The following EPB41 variants were observed in gnomAD, a reference collection of about 807,000 sequenced individuals.
EPB41 encodes the protein erythrocyte membrane protein band 4.1.
EPB41 carries 65 observed loss-of-function variants against 108.0 expected under a neutral mutation model. The ratio of observed to expected loss-of-function variants is 0.60; its 90% CI spans 0.49 to 0.74. The LOEUF is 0.74. EPB41 is among the 30% of genes least tolerant of loss of function. The probability of loss-of-function intolerance (pLI) is 0.00; values close to 1 mark genes in which losing one functional copy is unlikely to be tolerated. For synonymous variants in EPB41, 336 were observed against 358.9 expected (o/e 0.94, Z 0.72); for missense variants, 875 against 1,037.0 (o/e 0.84, Z 2.15).
intron 1 of EPB41, among the ~76,000 whole-genome samples, chr1:28,915,118 C>T (rs1169801032): frequency 1.3e-5 from 2 of 152,088 alleles, no homozygotes; most frequent in African/African-American, 4.8e-5. Context: ...AAACCAAATG[C>T]GGAGAATCGC....
At chr1:29,032,541 T>C (rs576274439) in intron 8 of EPB41, among the ~76,000 whole-genome samples, 3 of 152,330 alleles carry the variant, frequency 2.0e-5, no homozygotes, top group South Asian at 2.1e-4. Context: ...TTTTGATTAC[T>C]TAGCTAAACA....
chr1:29,007,467 T>A (rs1342444512), intron 4 of EPB41, among the ~76,000 whole-genome samples: 2 of 152,228 alleles, frequency 1.3e-5, no homozygotes, highest in East Asian at 3.8e-4. Flanking sequence ...TCAAACAGTT[T>A]TCTGTAGTGG....
At chr1:29,062,067 A>C (rs746467547) in intron 15 of EPB41, among the ~76,000 whole-genome samples, 1 of 152,198 alleles carries the variant, frequency 6.6e-6, no homozygotes, top group Non-Finnish European at 1.5e-5. Context: ...AGTGCTTTAC[A>C]TATCTTTGTC....
In EPB41 at chr1:29,011,728, A is replaced by G. The variant is rs2096505042; in HGVS notation, c.787-137A>G. On this transcript the variant is annotated intron_variant, in intron 4 of 20. Transcript: ENST00000343067. ...GCTCAAAATCACTATGCTTTGTGAA[A>G]TTAATGCAAAGACTATCAAAGGAAA... 5.2e-6 allele frequency: 5 copies of G among 961,250 alleles called. No homozygotes were observed. In the South Asian group the frequency reaches 8.6e-5, roughly 16 times the overall value. 59.5% of individuals were successfully genotyped at this position (961,250 alleles called of 1,614,324 possible).
rs186959891 is a variant in EPB41 at position 28,892,041 on chromosome 1, C to A, written c.-8+4831C>A. ...CGAGGAGGCGGAGGTTGCAGTGAGCCAAGATCGTGCCACTGCACTCCAGCC... is the reference window on the plus strand; with the variant it reads ...CGAGGAGGCGGAGGTTGCAGTGAGCAAAGATCGTGCCACTGCACTCCAGCC... On this transcript the variant is annotated intron_variant, in intron 1 of 16. Transcript: ENST00000347529. Among the ~76,000 whole-genome samples the A allele has an allele frequency of 5.6e-3, 721 of 127,956 alleles. 8 individuals are homozygous for A. Among genetic ancestry groups the A allele is most frequent in the African/African-American group, 0.021 (693 of 33,498 alleles). The allele number at this position is 127,956 out of a possible 152,430, so 83.9% of individuals were successfully genotyped here.
chr1:29,028,933 T>C (rs538817653), intron 7 of EPB41, among the ~76,000 whole-genome samples: 1 of 151,790 alleles, frequency 6.6e-6, no homozygotes, highest in Non-Finnish European at 1.5e-5. Context: ...ACCCAGCTAC[T>C]CAGGAGTCTG....
chr1:29,061,585 T>TG (rs1646572434), intron 15 of EPB41, among the ~76,000 whole-genome samples: 4 of 138,238 alleles, frequency 2.9e-5, no homozygotes, highest in Admixed American at 7.4e-5. Context: ...TTTTTTTTTT[T>TG]TTTTTTTTTT....
intron 1 of EPB41, among the ~76,000 whole-genome samples, chr1:28,944,111 A>C (rs2094405887): frequency 6.6e-6 from 1 of 152,216 alleles, no homozygotes; most frequent in Non-Finnish European, 1.5e-5. Context: ...CAGACACAGG[A>C]AAACAAACTC....
At chr1:29,093,556 A>G (rs1048658882) in intron 16 of EPB41, among the ~76,000 whole-genome samples, 2 of 152,122 alleles carry the variant, frequency 1.3e-5, no homozygotes, top group African/African-American at 4.8e-5. Flanking sequence ...ATTAGATCCC[A>G]TTTGTCAATT....
chr1:28,976,892 G>A (rs190850798), intron 1 of EPB41, among the ~76,000 whole-genome samples: 2 of 152,042 alleles, frequency 1.3e-5, no homozygotes, highest in African/African-American at 4.8e-5. Context: ...TTACTCTTTT[G>A]CCCAGGTTGG....
intron 1 of EPB41, among the ~76,000 whole-genome samples, chr1:28,969,715 C>T (rs1000909998): frequency 6.6e-5 from 10 of 152,104 alleles, no homozygotes; most frequent in East Asian, 1.9e-4. Flanking sequence ...CTGGCTAACA[C>T]GGTGAAACTC....
rs71022381 is a variant in EPB41 at position 28,935,467 on chromosome 1, ACCCCCC to A, written c.-8+20707_-8+20712del. ...CACACACACACACACACACACACAC[ACCCCCC>A]CCCCCCCAAGATCTACGCACTAACT... On this transcript the variant is annotated intron_variant, in intron 1 of 20. Coordinates refer to ENST00000343067, the MANE Select transcript of EPB41 (RefSeq NM_001376013.1). Among the ~76,000 whole-genome samples, 223 of 64,122 alleles carry A rather than the reference ACCCCCC, an allele frequency of 3.5e-3. 1 individual carries two copies. Among genetic ancestry groups the A allele is most frequent in the Non-Finnish European group, 4.5e-3 (138 of 30,932 alleles). 42.1% of individuals were successfully genotyped at this position (64,122 alleles called of 152,430 possible).
chr1:29,080,093 CA>C (rs1466319070), intron 16 of EPB41, among the ~76,000 whole-genome samples: 3 of 120,674 alleles, frequency 2.5e-5, no homozygotes, highest in African/African-American at 9.2e-5. Context: ...TAAGATAAAG[CA>C]ACATTATTTA....
At chr1:29,021,577 CT>C (rs1245223362) in intron 7 of EPB41, among the ~76,000 whole-genome samples, 1 of 149,522 alleles carries the variant, frequency 6.7e-6, no homozygotes, top group African/African-American at 2.5e-5. Flanking sequence ...AATTGGCCAT[CT>C]TTTTTTTTCT....
intron 1 of EPB41, among the ~76,000 whole-genome samples, chr1:28,962,091 G>A (rs546585522): frequency 4.6e-5 from 7 of 150,606 alleles, no homozygotes; most frequent in East Asian, 2.0e-4. Context: ...ATGGAGTCTC[G>A]CCCTTGTTGC....
chr1:29,078,001 C>T (rs1449334356), intron 16 of EPB41, among the ~76,000 whole-genome samples: 6 of 151,810 alleles, frequency 4.0e-5, no homozygotes, highest in Non-Finnish European at 1.5e-5. Context: ...CCAAGATGGG[C>T]AGATCATTTA....
At chr1:28,926,977 C>T (rs1006990040) in intron 1 of EPB41, among the ~76,000 whole-genome samples, 3 of 152,194 alleles carry the variant, frequency 2.0e-5, no homozygotes, top group Non-Finnish European at 2.9e-5. Flanking sequence ...CATTTCACAG[C>T]AAGTCTGGCT....
chr1:29,085,093 C>G (rs370954001), intron 16 of EPB41, among the ~76,000 whole-genome samples: 1 of 150,902 alleles, frequency 6.6e-6, no homozygotes, highest in African/African-American at 2.4e-5. Context: ...GTGTATATCA[C>G]TAACCTAAAG....
chr1:28,939,377 A>C (rs1032800446), intron 1 of EPB41, among the ~76,000 whole-genome samples: 1 of 151,960 alleles, frequency 6.6e-6, no homozygotes, highest in African/African-American at 2.4e-5. Flanking sequence ...ATTGTTTTTT[A>C]TAGCCACTGG....
Sources: allele counts gnomAD v4.1 joint callset (sites outside exome capture counted in the v4.1 genomes callset), GRCh38; gene constraint gnomAD v4.1.1; transcripts MANE v1.5; gene names NCBI Gene and HGNC (gene_info 2026-07-23, HGNC 2026-07-21).